TIAM2: variants seen among roughly 807,000 people sequenced by gnomAD.
TIAM2 encodes the protein TIAM Rac1 associated GEF 2.
A neutral mutation model predicts 152.9 loss-of-function variants in TIAM2; 80 were observed. That is an observed-to-expected ratio of 0.52 (90% CI 0.44 to 0.63). TIAM2 has a LOEUF of 0.63. Ranked by LOEUF, TIAM2 falls within the 30% of genes least tolerant of loss-of-function variation. TIAM2 has a pLI of 0.00. For synonymous variants in TIAM2, 804 were observed against 838.0 expected (o/e 0.96, Z 0.70); for missense variants, 1,965 against 2,120.1 (o/e 0.93, Z 1.44).
In TIAM2 at chr6:155,257,390, T is replaced by C; in HGVS notation, c.*269T>C. On this transcript the variant is annotated 3_prime_UTR_variant, in exon 27 of 27. Coordinates refer to ENST00000682666, the MANE Select transcript of TIAM2 (RefSeq NM_012454.4). ...ATGATTTAGGATCCTTAAAATTACA[T>C]TCTAATAATTAAGTTATGTGGAAAA... 1 of 411,236 alleles carries C rather than the reference T, an allele frequency of 2.4e-6. No homozygotes were observed. The highest frequency in any genetic ancestry group is 4.3e-6 in the Non-Finnish European group (1 of 232,728). The allele number at this position is 411,236 out of a possible 1,614,324, so 25.5% of individuals were successfully genotyped here. A position where few individuals can be genotyped will look rare whatever the true frequency, so the allele number is the denominator to read the frequency against.
In TIAM2 at chr6:155,045,389, TC is replaced by T. The variant is rs1253295580; in HGVS notation, c.-208-44899del. ...AAGCCCTTTTTCTATGCTGTTTTCT[TC>T]AAAACAGCTTGGTCTTACTTTATGG... On this transcript the variant is annotated intron_variant, in intron 1 of 26. Coordinates refer to ENST00000682666, the MANE Select transcript of TIAM2 (RefSeq NM_012454.4). 8.5e-5 allele frequency among the ~76,000 whole-genome samples: 13 copies of T among 152,254 alleles called. No individual in the cohort carries two copies. In the East Asian group the frequency reaches 2.5e-3, roughly 29 times the overall value.
intron 1 of TIAM2, chr6:155,014,067 A>G (rs539412448): frequency 6.6e-6 from 1 of 151,878 alleles, no homozygotes; most frequent in Admixed American, 6.6e-5. Context: ...TCATTTTGTT[A>G]TTTTCTTTGC....
chr6:154,999,724 G>A (rs1778282337), intron 1 of TIAM2, among the ~76,000 whole-genome samples: 1 of 151,872 alleles, frequency 6.6e-6, no homozygotes. Flanking sequence ...CCAGGCTGGA[G>A]TGCTGTGGTG....
At chr6:155,163,712 A>G (rs1780332989) in intron 7 of TIAM2, among the ~76,000 whole-genome samples, 1 of 152,226 alleles carries the variant, frequency 6.6e-6, no homozygotes, top group South Asian at 2.1e-4. Context: ...TTTATCTGGC[A>G]TCTGTTTGTG....
intron 1 of TIAM2, among the ~76,000 whole-genome samples, chr6:155,065,398 CTG>C (rs1188585214): frequency 2.6e-5 from 4 of 152,090 alleles, no homozygotes; most frequent in African/African-American, 9.7e-5. Context: ...AGAAAAATAA[CTG>C]TTTTTCTTAA....
At chr6:155,099,210 G>GTA (rs140850839) in intron 2 of TIAM2, among the ~76,000 whole-genome samples, 1,924 of 79,214 alleles carry the variant, frequency 0.024, 14 homozygotes, top group Non-Finnish European at 0.026. Flanking sequence ...ATCTATATGT[G>GTA]TATATATATA....
At chr6:155,102,807 GTGTA>G (rs1234223647) in intron 2 of TIAM2, among the ~76,000 whole-genome samples, 2 of 125,596 alleles carry the variant, frequency 1.6e-5, no homozygotes, top group African/African-American at 6.3e-5. Context: ...GTGTGTGTGT[GTGTA>G]TACATATATT....
intron 1 of TIAM2, among the ~76,000 whole-genome samples, chr6:155,072,672 TAG>T (rs1308211733): frequency 2.6e-5 from 4 of 152,016 alleles, no homozygotes; most frequent in African/African-American, 9.7e-5. Flanking sequence ...TCAGAAGAAA[TAG>T]AGTCTTGGTT....
Position 155,254,423 on chromosome 6 carries a change from A to G in TIAM2, c.4318A>G (p.Ser1440Gly). The change falls in exon 26 of 27, where the codon AGT (serine) becomes GGT (glycine). Residue 1440 changes from serine to glycine, a missense_variant. Physicochemically the swap from Ser to Gly is moderately conservative, Grantham distance 56. Coordinates refer to ENST00000682666, the MANE Select transcript of TIAM2 (RefSeq NM_012454.4). ...ETIFQLCCSD[S>G]ESKTNIVKVI... ...TTTCTCTCCCCCCCCACCCAGTGACAGTGAAAGCAAAACCAACATTGTTAA... is the reference window on the plus strand; with the variant it reads ...TTTCTCTCCCCCCCCACCCAGTGACGGTGAAAGCAAAACCAACATTGTTAA... The G allele has an allele frequency of 1.9e-6, 3 of 1,611,408 alleles. No homozygotes were observed. Among genetic ancestry groups the G allele is most frequent in the South Asian group, 1.1e-5 (1 of 91,028 alleles).
At chr6:155,166,039 A>C (rs1384592025) in intron 9 of TIAM2, among the ~76,000 whole-genome samples, 1 of 152,222 alleles carries the variant, frequency 6.6e-6, no homozygotes, top group Non-Finnish European at 1.5e-5. Flanking sequence ...GAAAATTAAT[A>C]ATCAGAGGAG....
chr6:155,102,852 C>T (rs954299262), intron 2 of TIAM2, among the ~76,000 whole-genome samples: 1 of 148,088 alleles, frequency 6.8e-6, no homozygotes, highest in African/African-American at 2.5e-5. Context: ...AGAAAATTTG[C>T]AAGAATATAG....
At chr6:155,061,509 G>A (rs539977938) in intron 1 of TIAM2, among the ~76,000 whole-genome samples, 49 of 152,174 alleles carry the variant, frequency 3.2e-4, no homozygotes, top group Non-Finnish European at 4.0e-4. Context: ...ATCTTGAGTC[G>A]CGTTGTTTAC....
chr6:155,142,642 C>G (rs1214377617), intron 5 of TIAM2, among the ~76,000 whole-genome samples: 1 of 152,246 alleles, frequency 6.6e-6, no homozygotes, highest in Non-Finnish European at 1.5e-5. Context: ...TATAGTTTAA[C>G]TGCTGCATCA....
intron 14 of TIAM2, among the ~76,000 whole-genome samples, chr6:155,195,961 G>C (rs1302023095): frequency 3.3e-5 from 5 of 152,210 alleles, no homozygotes; most frequent in African/African-American, 1.2e-4. Flanking sequence ...ACCATTGTGA[G>C]GTCCATTTAT....
chr6:155,008,247 C>T (rs1778430547), intron 1 of TIAM2, among the ~76,000 whole-genome samples: 1 of 152,164 alleles, frequency 6.6e-6, no homozygotes, highest in Admixed American at 6.6e-5. Flanking sequence ...TGTAATTTCT[C>T]ATTTGGCATT....
chr6:155,160,401 C>A (rs988792), intron 7 of TIAM2, among the ~76,000 whole-genome samples: 2 of 151,928 alleles, frequency 1.3e-5, no homozygotes, highest in African/African-American at 2.4e-5. Flanking sequence ...GAAGGCAATC[C>A]GCATTACTCA....
At chr6:155,070,832 A>C (rs1429716952) in intron 1 of TIAM2, among the ~76,000 whole-genome samples, 1 of 152,182 alleles carries the variant, frequency 6.6e-6, no homozygotes, top group Non-Finnish European at 1.5e-5. Flanking sequence ...GTGTGTCTAC[A>C]TGACTGACCC....
At chr6:155,063,844 A>G (rs1388011561) in intron 1 of TIAM2, among the ~76,000 whole-genome samples, 1 of 151,852 alleles carries the variant, frequency 6.6e-6, no homozygotes, top group African/African-American at 2.4e-5. Flanking sequence ...TCCCATGTAT[A>G]TTATAACTGA....
rs1437732197 is a variant in TIAM2, at chr6:155,256,872, G to A, written c.4857G>A (p.Gln1619=). ...QQPGPESGEG[Q]KGGEQPKLVR... is the part of the protein sequence containing the mutation. The stretch of plus-strand genomic sequence containing the variant: ...CTGGCCCGGAGTCGGGTGAGGGTCA[G>A]AAAGGAGGAGAGCAGCCCAAACTGG... Residue 1619 remains glutamine, a synonymous_variant, in exon 27 of 27, where the codon CAG becomes CAA. Transcript: ENST00000682666. The A allele has an allele frequency of 1.2e-6, 2 of 1,614,114 alleles. No individual in the cohort carries two copies. The highest frequency in any genetic ancestry group is 1.7e-6 in the Non-Finnish European group (2 of 1,180,044).
Sources: allele counts gnomAD v4.1 joint callset (sites outside exome capture counted in the v4.1 genomes callset), GRCh38; gene constraint gnomAD v4.1.1; transcripts MANE v1.5; gene names NCBI Gene and HGNC (gene_info 2026-07-23, HGNC 2026-07-21).